Variants in SDHB observed in about 807,000 individuals in gnomAD.
The protein encoded by SDHB is succinate dehydrogenase complex iron sulfur subunit B, also known as succinate dehydrogenase [ubiquinone] iron-sulfur subunit, mitochondrial.
In SDHB, 21 loss-of-function variants were observed where a neutral mutation model predicts 39.7. The ratio of observed to expected loss-of-function variants is 0.53; its 90% CI spans 0.37 to 0.76. The LOEUF is 0.76. Ranked by LOEUF, SDHB falls within the 30% of genes least tolerant of loss-of-function variation. The probability of loss-of-function intolerance (pLI) is 0.00; values close to 1 mark genes in which losing one functional copy is unlikely to be tolerated. For missense variants in SDHB, 343 were observed against 350.9 expected (o/e 0.98, Z 0.18); for synonymous variants, 118 against 117.0 (o/e 1.01, Z -0.06).
rs1028706609 is a variant in SDHB, at chr1:17,039,501, T to G, written c.200+5260A>C. On this transcript the variant is annotated intron_variant, in intron 2 of 7. Transcript: ENST00000375499. Reference sequence around the variant, plus strand: ...ACATGGGAGGCTGAGGTGGGAGGATTGCTTGAGCCTAGGAGGTCTCAGGGA... The same window carrying G: ...ACATGGGAGGCTGAGGTGGGAGGATGGCTTGAGCCTAGGAGGTCTCAGGGA... 8.4e-4 allele frequency among the ~76,000 whole-genome samples: 128 copies of G among 151,570 alleles called. 1 individual carries two copies. The highest frequency in any genetic ancestry group is 3.0e-3 in the African/African-American group (125 of 41,242).
chr1:17,046,050 A>G (rs2078108998), intron 1 of SDHB, among the ~76,000 whole-genome samples: 2 of 152,224 alleles, frequency 1.3e-5, no homozygotes, highest in Admixed American at 1.3e-4. Context: ...TACCAGTAAC[A>G]TTATTTCTTG....
At chr1:17,045,088 G>A in intron 1 of SDHB, 200 bp from the exon 2 acceptor site, 1 of 578,998 alleles carries the variant, frequency 1.7e-6, no homozygotes, top group South Asian at 2.0e-5. Context: ...TGGTATTAGG[G>A]GCTAGTGACA....
intron 5 of SDHB, among the ~76,000 whole-genome samples, chr1:17,025,666 C>T (rs2077988011): frequency 6.6e-6 from 1 of 152,112 alleles, no homozygotes; most frequent in Non-Finnish European, 1.5e-5. Flanking sequence ...CCTCTCTGAA[C>T]CTATTTTGGT....
At chr1:17,029,097 T>TTTTTG (rs1557741673) in intron 3 of SDHB, among the ~76,000 whole-genome samples, 1 of 138,090 alleles carries the variant, frequency 7.2e-6, no homozygotes, top group Admixed American at 7.3e-5. Context: ...CAGCCTGTTT[T>TTTTTG]TTTTTTTTTT....
chr1:17,038,373 G>A (rs937695843), intron 2 of SDHB, among the ~76,000 whole-genome samples: 1 of 152,162 alleles, frequency 6.6e-6, no homozygotes, highest in African/African-American at 2.4e-5. Context: ...TGTAGCCATT[G>A]AAATACACAC....
intron 1 of SDHB, among the ~76,000 whole-genome samples, chr1:17,050,649 C>A: frequency 7.9e-6 from 1 of 126,122 alleles, no homozygotes; most frequent in African/African-American, 2.6e-5. Context: ...GAGCGTGACT[C>A]TGTCTCAAAA....
intron 5 of SDHB, among the ~76,000 whole-genome samples, chr1:17,024,913 C>T (rs2077983328): frequency 6.6e-6 from 1 of 152,204 alleles, no homozygotes; most frequent in South Asian, 2.1e-4. Context: ...TGTGATTGAA[C>T]CATGAGTCTT....
intron 1 of SDHB, among the ~76,000 whole-genome samples, chr1:17,049,829 T>C (rs1001191146): frequency 2.6e-5 from 4 of 151,134 alleles, no homozygotes; most frequent in Admixed American, 6.6e-5. Context: ...GTATTTTTAG[T>C]AGGGATGGGG....
chr1:17,041,476 C>T (rs534298241), intron 2 of SDHB, among the ~76,000 whole-genome samples: 3 of 152,174 alleles, frequency 2.0e-5, no homozygotes, highest in African/African-American at 7.2e-5. Flanking sequence ...TCAAGACCAG[C>T]CTGGCCAACA....
chr1:17,033,245 T>C, intron 2 of SDHB, 100 bp from the exon 3 acceptor site: 7 of 979,310 alleles, frequency 7.1e-6, no homozygotes, highest in Non-Finnish European at 1.1e-5. Context: ...AGCTTATCCA[T>C]TTGGTCTTCT....
At chr1:17,049,647 CTTTTTTTTTTTTTTTT>C (rs397835910) in intron 1 of SDHB, among the ~76,000 whole-genome samples, 2 of 52,064 alleles carry the variant, frequency 3.8e-5, no homozygotes, top group South Asian at 1.2e-3. Flanking sequence ...TCCCCTAGTT[CTTTTTTTTTTTTTTTT>C]TTTTTTTTTT....
At position 17,044,852 on chromosome 1, in the gene SDHB, G is replaced by A. The variant is rs761180960; in HGVS notation, c.109C>T (p.Pro37Ser). 8.1e-6 allele frequency: 13 copies of A among 1,613,976 alleles called. No individual in the cohort carries two copies. The highest frequency in any genetic ancestry group is 1.1e-5 in the Non-Finnish European group (13 of 1,179,960). ...TAGATGGCAAATTTCTTGATACGGG[G>A]AGCTGTGGCTGCAGCTGTCTGGGCT... ...RGAQTAAATA[P>S]RIKKFAIYRW... Residue 37 changes from proline (P) to serine (S), a missense_variant, in exon 2 of 8, where the codon CCC becomes TCC. By Grantham distance (74) the Pro-to-Ser change is moderately conservative. Coordinates refer to ENST00000375499, the MANE Select transcript of SDHB (RefSeq NM_003000.3).
At chr1:17,021,220 T>C (rs914396005) in intron 7 of SDHB, among the ~76,000 whole-genome samples, 1 of 152,194 alleles carries the variant, frequency 6.6e-6, no homozygotes, top group Non-Finnish European at 1.5e-5. Context: ...AAGAAGTGAT[T>C]AGATTATGAA....
In SDHB at chr1:17,038,260, T is replaced by A. The variant is rs368203808; in HGVS notation, c.201-5115A>T. Among the ~76,000 whole-genome samples the A allele has an allele frequency of 6.6e-5, 10 of 152,206 alleles. No homozygotes were observed. In the East Asian group the frequency reaches 1.7e-3, roughly 26 times the overall value. On this transcript the variant is annotated intron_variant, in intron 2 of 7. Coordinates refer to ENST00000375499, the MANE Select transcript of SDHB (RefSeq NM_003000.3). ...GTTATCTATGAGAGACAGTTTTACT[T>A]CTTCTTTTCCAATTTCCTTTTCTTT...
chr1:17,036,720 A>C (rs1208742327), intron 2 of SDHB, among the ~76,000 whole-genome samples: 2 of 146,892 alleles, frequency 1.4e-5, no homozygotes, highest in African/African-American at 2.5e-5. Context: ...ATAAATATAA[A>C]TATTTATATA....
Position 17,049,974 on chromosome 1 carries a change from T to G in SDHB, c.72+3974A>C, listed in dbSNP as rs115644455. Among the ~76,000 whole-genome samples, 384 of 152,206 alleles carry G rather than the reference T, an allele frequency of 2.5e-3. 1 individual carries two copies. Among genetic ancestry groups the G allele is most frequent in the African/African-American group, 8.9e-3 (371 of 41,512 alleles). On this transcript the variant is annotated intron_variant, in intron 1 of 7. Transcript: ENST00000375499. ...AACCCCCTAGTTCTAAAGCCTGATT[T>G]AGTATTGTCAGTGGGCAACAGGCAT...
chr1:17,032,827 T>C, intron 3 of SDHB: 3 of 574,120 alleles, frequency 5.2e-6, no homozygotes, highest in Non-Finnish European at 9.4e-6. Flanking sequence ...GACCGCCAGA[T>C]GCAGTAACCA....
At chr1:17,022,969 A>C (rs2077970634) in intron 6 of SDHB, 2 of 475,290 alleles carry the variant, frequency 4.2e-6, no homozygotes, top group African/African-American at 2.0e-5. Context: ...CCGGGTGCTT[A>C]ATTATACACA....
intron 3 of SDHB, among the ~76,000 whole-genome samples, chr1:17,029,116 T>G (rs925026153): frequency 6.9e-6 from 1 of 145,892 alleles, no homozygotes; most frequent in Non-Finnish European, 1.5e-5. Flanking sequence ...TTTTTTTTTT[T>G]TTTTTTAAAG....
Sources: gnomAD v4.1 joint callset for allele counts (sites outside exome capture counted in the v4.1 genomes callset) on GRCh38, gnomAD v4.1.1 for gene constraint, MANE v1.5 for transcripts, NCBI Gene and HGNC (gene_info 2026-07-23, HGNC 2026-07-21) for gene names.